The following TMC1 variants were observed in gnomAD, a reference collection of about 807,000 sequenced individuals.
The protein encoded by TMC1 is transmembrane channel-like protein 1.
In TMC1, 84 loss-of-function variants were observed where a neutral mutation model predicts 105.8. The ratio of observed to expected loss-of-function variants is 0.79; its 90% CI spans 0.67 to 0.95. TMC1 has a LOEUF of 0.95. Ranked by LOEUF, TMC1 falls within the 40% of genes least tolerant of loss-of-function variation. The pLI is 0.00. For synonymous variants in TMC1, 315 were observed against 311.5 expected, an observed-to-expected ratio of 1.01 and a Z score of -0.12; for missense variants, 817 against 914.1, an observed-to-expected ratio of 0.89 and a Z score of 1.37.
chr9:72,739,352 A>G (rs764960900), intron 8 of TMC1, among the ~76,000 whole-genome samples: 9 of 152,368 alleles, frequency 5.9e-5, no homozygotes, highest in Non-Finnish European at 1.3e-4. Context: ...TTCAACATAC[A>G]GATTTTGATA....
chr9:72,636,333 T>C (rs909067361), intron 4 of TMC1, among the ~76,000 whole-genome samples: 2 of 152,228 alleles, frequency 1.3e-5, no homozygotes, highest in Non-Finnish European at 2.9e-5. Flanking sequence ...TGGCACAGTT[T>C]GGCAGTTGGC....
intron 1 of TMC1, among the ~76,000 whole-genome samples, chr9:72,575,570 C>G (rs1002083461): frequency 6.6e-6 from 1 of 152,180 alleles, no homozygotes; most frequent in Non-Finnish European, 1.5e-5. Context: ...TTCGGAGCTT[C>G]CCAGAAGGTA....
chr9:72,584,944 C>G (rs961766172), intron 2 of TMC1, among the ~76,000 whole-genome samples: 1 of 151,342 alleles, frequency 6.6e-6, no homozygotes, highest in African/African-American at 2.4e-5. Flanking sequence ...ACTACCACGC[C>G]TGGCTAATTT....
chr9:72,621,183 G>T (rs1825242392), intron 3 of TMC1, among the ~76,000 whole-genome samples: 1 of 152,188 alleles, frequency 6.6e-6, no homozygotes, highest in Admixed American at 6.5e-5. Context: ...ACACGTTATT[G>T]TAACACAGAT....
At chr9:72,587,851 T>C in intron 2 of TMC1, among the ~76,000 whole-genome samples, 1 of 151,572 alleles carries the variant, frequency 6.6e-6, no homozygotes, top group Non-Finnish European at 1.5e-5. Flanking sequence ...AGTGGCGCCA[T>C]CTCGGCTCAC....
intron 18 of TMC1, among the ~76,000 whole-genome samples, chr9:72,811,396 A>G (rs1828701448): frequency 6.6e-6 from 1 of 152,182 alleles, no homozygotes; most frequent in African/African-American, 2.4e-5. Context: ...GGCTTCTCTG[A>G]GCACAGTTCT....
chr9:72,624,906 C>T (rs1000300128), intron 3 of TMC1, among the ~76,000 whole-genome samples: 2 of 152,192 alleles, frequency 1.3e-5, no homozygotes, highest in Admixed American at 1.3e-4. Context: ...GTGGCCAAGT[C>T]CTGCGGACAA....
At chr9:72,626,950 G>C (rs567398409) in intron 3 of TMC1, among the ~76,000 whole-genome samples, 8 of 151,744 alleles carry the variant, frequency 5.3e-5, no homozygotes, top group African/African-American at 1.9e-4. Context: ...CAATAGCATG[G>C]GTAGATCATA....
At chr9:72,581,581 A>G (rs984518457) in intron 2 of TMC1, among the ~76,000 whole-genome samples, 2 of 152,198 alleles carry the variant, frequency 1.3e-5, no homozygotes, top group African/African-American at 4.8e-5. Context: ...TTTGCTACAC[A>G]GTGACCTTGC....
At chr9:72,756,182 T>G (rs2118072836) in intron 12 of TMC1, among the ~76,000 whole-genome samples, 1 of 152,328 alleles carries the variant, frequency 6.6e-6, no homozygotes, top group Admixed American at 6.5e-5. Context: ...TCAGCATTTT[T>G]TAAACTGAAT....
At chr9:72,743,087 G>T (rs1473766409) in intron 10 of TMC1, among the ~76,000 whole-genome samples, 1 of 152,070 alleles carries the variant, frequency 6.6e-6, no homozygotes, top group East Asian at 1.9e-4. Flanking sequence ...AGTACAAAAG[G>T]CCGGGCGCGG....
rs567479592 is a variant in TMC1, at chr9:72,713,325, T to C, written c.362+12682T>C. ...AGGAGGATTCCCTCTTTTTATATTG[T>C]TTGGAATAGTTTCAGAAGGAATGAT... On this transcript the variant is annotated intron_variant, in intron 8 of 23. Coordinates refer to ENST00000297784, the MANE Select transcript of TMC1 (RefSeq NM_138691.3). Among the ~76,000 whole-genome samples, 318 of 152,280 alleles carry C rather than the reference T, an allele frequency of 2.1e-3. 2 individuals carry two copies. The highest frequency in any genetic ancestry group is 7.5e-3 in the African/African-American group (310 of 41,562).
At chr9:72,732,029 C>G (rs891322581) in intron 8 of TMC1, among the ~76,000 whole-genome samples, 1 of 152,120 alleles carries the variant, frequency 6.6e-6, no homozygotes, top group African/African-American at 2.4e-5. Flanking sequence ...TCCTTTATCT[C>G]TCTTTCTGCA....
chr9:72,607,000 T>TAGAGAGAGAGAGAG (rs796092443), intron 2 of TMC1, among the ~76,000 whole-genome samples: 45 of 128,732 alleles, frequency 3.5e-4, no homozygotes, highest in African/African-American at 9.5e-4. Flanking sequence ...TATATATATA[T>TAGAGAGAGAGAGAG]ATAGAGAGAG....
chr9:72,638,658 T>C (rs569432476), intron 4 of TMC1, among the ~76,000 whole-genome samples: 37 of 152,314 alleles, frequency 2.4e-4, no homozygotes, highest in African/African-American at 8.9e-4. Flanking sequence ...TAGTATTGGC[T>C]GAATGCATAA....
chr9:72,684,199 A>G (rs976970201), intron 5 of TMC1, among the ~76,000 whole-genome samples: 1 of 152,136 alleles, frequency 6.6e-6, no homozygotes, highest in Non-Finnish European at 1.5e-5. Context: ...TCTTAACAGC[A>G]TATAAGACCA....
chr9:72,701,884 A>C (rs1254741364), intron 8 of TMC1, among the ~76,000 whole-genome samples: 2 of 152,188 alleles, frequency 1.3e-5, no homozygotes, highest in Non-Finnish European at 2.9e-5. Context: ...GCAACACCAC[A>C]AAATTGCAGT....
chr9:72,822,050 G>A (rs1828883976), intron 20 of TMC1, among the ~76,000 whole-genome samples: 2 of 152,170 alleles, frequency 1.3e-5, no homozygotes, highest in Non-Finnish European at 2.9e-5. Context: ...CATTTCTACA[G>A]TTCTCTATGA....
At chr9:72,827,519 G>T (rs1317665958) in intron 21 of TMC1, among the ~76,000 whole-genome samples, 1 of 152,216 alleles carries the variant, frequency 6.6e-6, no homozygotes, top group Non-Finnish European at 1.5e-5. Flanking sequence ...CACGATAATA[G>T]AATCAGAGGA....
Sources: gnomAD v4.1 joint callset for allele counts (sites outside exome capture counted in the v4.1 genomes callset) on GRCh38, gnomAD v4.1.1 for gene constraint, MANE v1.5 for transcripts, NCBI Gene and HGNC (gene_info 2026-07-23, HGNC 2026-07-21) for gene names.